Variants in MACROD2 observed in about 807,000 individuals in gnomAD.
MACROD2 encodes the protein mono-ADP ribosylhydrolase 2.
A neutral mutation model predicts 70.4 loss-of-function variants in MACROD2; 36 were observed. That is an observed-to-expected ratio of 0.51 (90% CI 0.39 to 0.68). The LOEUF is 0.68. MACROD2 is among the 30% of genes least tolerant of loss of function. The pLI is 0.00. For synonymous variants in MACROD2, 172 were observed against 178.8 expected, an observed-to-expected ratio of 0.96 and a Z score of 0.30; for missense variants, 496 against 538.4, an observed-to-expected ratio of 0.92 and a Z score of 0.78.
intron 5 of MACROD2, among the ~76,000 whole-genome samples, chr20:15,042,905 T>C: frequency 6.6e-6 from 1 of 152,214 alleles, no homozygotes; most frequent in East Asian, 1.9e-4. Flanking sequence ...TGTTTCCTTT[T>C]TGAGTCCTGA....
chr20:15,970,440 TC>T (rs1207532156), intron 13 of MACROD2, among the ~76,000 whole-genome samples: 1 of 152,184 alleles, frequency 6.6e-6, no homozygotes, highest in Non-Finnish European at 1.5e-5. Context: ...CTAATGTTTT[TC>T]CATTAAGATG....
intron 3 of MACROD2, among the ~76,000 whole-genome samples, chr20:14,486,324 GA>G (rs1228659640): frequency 2.6e-5 from 4 of 152,050 alleles, no homozygotes; most frequent in African/African-American, 4.8e-5. Flanking sequence ...AGAAAATGTT[GA>G]ATGCATTCTA....
chr20:14,202,835 G>C (rs2081490415), intron 3 of MACROD2, among the ~76,000 whole-genome samples: 1 of 152,104 alleles, frequency 6.6e-6, no homozygotes, highest in South Asian at 2.1e-4. Flanking sequence ...GATCACTTGA[G>C]GTCAGGAGTT....
At chr20:15,816,997 C>T (rs538168067) in intron 8 of MACROD2, among the ~76,000 whole-genome samples, 48 of 152,254 alleles carry the variant, frequency 3.2e-4, no homozygotes, top group African/African-American at 1.0e-3. Context: ...AAACGATGCT[C>T]GTTACCTGAT....
intron 2 of MACROD2, among the ~76,000 whole-genome samples, chr20:14,084,078 C>CAAA (rs1569151520): frequency 1.8e-5 from 2 of 109,940 alleles, no homozygotes; most frequent in East Asian, 5.9e-4. Flanking sequence ...AAACAAAAAA[C>CAAA]AAACAAAAAA....
chr20:14,798,690 A>G (rs2072539666), intron 5 of MACROD2, among the ~76,000 whole-genome samples: 1 of 152,098 alleles, frequency 6.6e-6, no homozygotes, highest in South Asian at 2.1e-4. Flanking sequence ...CTTTCTGACA[A>G]ATCCTTTCAT....
At chr20:15,334,074 A>G (rs2078022092) in intron 6 of MACROD2, among the ~76,000 whole-genome samples, 1 of 151,702 alleles carries the variant, frequency 6.6e-6, no homozygotes, top group African/African-American at 2.4e-5. Flanking sequence ...AGCTCTTCCC[A>G]AAACAGAGGG....
intron 5 of MACROD2, among the ~76,000 whole-genome samples, chr20:15,036,993 T>A (rs904551704): frequency 4.6e-5 from 7 of 152,048 alleles, no homozygotes; most frequent in Middle Eastern, 3.4e-3. Context: ...ACTATAAAAA[T>A]TATGTTTTTA....
At chr20:15,261,785 A>G (rs909659250) in intron 6 of MACROD2, among the ~76,000 whole-genome samples, 1 of 152,024 alleles carries the variant, frequency 6.6e-6, no homozygotes. Flanking sequence ...ATTGTATGCA[A>G]ATATAGCCAC....
chr20:14,279,567 A>G (rs6074713), intron 3 of MACROD2, among the ~76,000 whole-genome samples: 2,466 of 152,166 alleles, frequency 0.016, 34 homozygotes, highest in Non-Finnish European at 0.025. Flanking sequence ...ATTTGCTTCT[A>G]TTTTTGCAGA....
chr20:15,467,002 C>G (rs1199476939), intron 7 of MACROD2, among the ~76,000 whole-genome samples: 3 of 152,226 alleles, frequency 2.0e-5, no homozygotes, highest in Admixed American at 1.3e-4. Context: ...GCAGCAGATA[C>G]TGTTGCTGTC....
intron 1 of MACROD2, among the ~76,000 whole-genome samples, chr20:13,998,892 T>C (rs1051406423): frequency 2.0e-5 from 3 of 150,554 alleles, no homozygotes; most frequent in African/African-American, 7.3e-5. Flanking sequence ...GTGGGAGAGG[T>C]TGGAGTGAGC....
chr20:15,811,570 A>G (rs1433031078), intron 8 of MACROD2, among the ~76,000 whole-genome samples: 1 of 152,018 alleles, frequency 6.6e-6, no homozygotes, highest in Non-Finnish European at 1.5e-5. Flanking sequence ...AAATTTACCT[A>G]GTTATTTGTT....
intron 8 of MACROD2, among the ~76,000 whole-genome samples, chr20:15,764,865 T>C (rs988740803): frequency 6.6e-6 from 1 of 152,184 alleles, no homozygotes; most frequent in Non-Finnish European, 1.5e-5. Context: ...ACGATGACCT[T>C]TATGATTTAG....
At chr20:14,797,707 A>C (rs1195665138) in intron 5 of MACROD2, among the ~76,000 whole-genome samples, 5 of 152,120 alleles carry the variant, frequency 3.3e-5, no homozygotes, top group Admixed American at 3.3e-4. Context: ...TTATTCCTGC[A>C]CTGGGATATG....
intron 4 of MACROD2, among the ~76,000 whole-genome samples, chr20:14,668,421 C>G (rs2070759539): frequency 6.6e-6 from 1 of 152,102 alleles, no homozygotes; most frequent in South Asian, 2.1e-4. Flanking sequence ...AGCAGCCTTG[C>G]AGGAGAAGGG....
intron 5 of MACROD2, among the ~76,000 whole-genome samples, chr20:15,187,850 G>T (rs545649327): frequency 2.6e-5 from 4 of 152,174 alleles, no homozygotes; most frequent in Non-Finnish European, 5.9e-5. Context: ...CTCAGAAATT[G>T]GTTGTTTAAT....
At chr20:14,120,405 C>T (rs897199891) in intron 3 of MACROD2, among the ~76,000 whole-genome samples, 61 of 151,920 alleles carry the variant, frequency 4.0e-4, no homozygotes, top group African/African-American at 1.4e-3. Context: ...GAGATAGGAA[C>T]ACTTTTAATC....
At chr20:15,119,352 T>C (rs1447001974) in intron 5 of MACROD2, among the ~76,000 whole-genome samples, 1 of 152,202 alleles carries the variant, frequency 6.6e-6, no homozygotes, top group African/African-American at 2.4e-5. Flanking sequence ...AAAGCTCATC[T>C]TCCCTCGCCA....
Sources: allele counts gnomAD v4.1 joint callset (sites outside exome capture counted in the v4.1 genomes callset), GRCh38; gene constraint gnomAD v4.1.1; transcripts MANE v1.5; gene names NCBI Gene and HGNC (gene_info 2026-07-23, HGNC 2026-07-21).